Variants in GPC6 observed in about 807,000 individuals in gnomAD.
GPC6 encodes the protein glypican 6, also known as glypican-6.
Under a neutral mutation model 55.2 loss-of-function variants are expected in GPC6, and 14 were observed. That is an observed-to-expected ratio of 0.25 (90% CI 0.17 to 0.40). The LOEUF is 0.40. Ranked by LOEUF, GPC6 falls within the 10% of genes least tolerant of loss-of-function variation. The probability of loss-of-function intolerance (pLI) is 1.00; values close to 1 mark genes in which losing one functional copy is unlikely to be tolerated. For synonymous variants in GPC6, 278 were observed against 259.6 expected (o/e 1.07, Z -0.68); for missense variants, 641 against 708.5 (o/e 0.90, Z 1.08).
chr13:94,101,236 C>A (rs1014161951), intron 4 of GPC6, among the ~76,000 whole-genome samples: 1 of 152,194 alleles, frequency 6.6e-6, no homozygotes, highest in Non-Finnish European at 1.5e-5. Context: ...TGTGGGAGAA[C>A]CTAATAAGCT....
At chr13:94,355,818 A>G (rs1220424955) in intron 6 of GPC6, among the ~76,000 whole-genome samples, 1 of 152,140 alleles carries the variant, frequency 6.6e-6, no homozygotes, top group South Asian at 2.1e-4. Flanking sequence ...TGCGCAGGAC[A>G]TGCAGGTTTG....
chr13:94,094,463 C>T (rs1229566724), intron 4 of GPC6, among the ~76,000 whole-genome samples: 2 of 152,114 alleles, frequency 1.3e-5, no homozygotes, highest in East Asian at 3.9e-4. Flanking sequence ...AAAACCTACA[C>T]ATGGTTTGCT....
At chr13:93,599,937 T>C (rs1406296152) in intron 2 of GPC6, among the ~76,000 whole-genome samples, 1 of 152,178 alleles carries the variant, frequency 6.6e-6, no homozygotes, top group Non-Finnish European at 1.5e-5. Flanking sequence ...GCTCCTTCCA[T>C]GTTAACCTAC....
At chr13:93,599,674 T>C (rs1877927861) in intron 2 of GPC6, among the ~76,000 whole-genome samples, 1 of 152,190 alleles carries the variant, frequency 6.6e-6, no homozygotes, top group Non-Finnish European at 1.5e-5. Context: ...AGATAAAGAA[T>C]GTCTTCATAA....
At chr13:93,333,121 A>C (rs1382688273) in intron 1 of GPC6, among the ~76,000 whole-genome samples, 2 of 152,002 alleles carry the variant, frequency 1.3e-5, no homozygotes, top group African/African-American at 2.4e-5. Context: ...GTATATTTCG[A>C]ATTCAGGTAG....
chr13:94,287,101 C>G (rs541554504), intron 5 of GPC6, among the ~76,000 whole-genome samples: 4 of 152,262 alleles, frequency 2.6e-5, no homozygotes, highest in African/African-American at 9.6e-5. Flanking sequence ...TTTTATTTGT[C>G]TCCACCCAGT....
At chr13:93,894,196 T>A (rs1875860000) in intron 3 of GPC6, among the ~76,000 whole-genome samples, 1 of 152,216 alleles carries the variant, frequency 6.6e-6, no homozygotes, top group Admixed American at 6.5e-5. Flanking sequence ...AATTCCTGCC[T>A]GGTCTTAACT....
chr13:93,232,135 C>G (rs1430814368), intron 1 of GPC6, among the ~76,000 whole-genome samples: 1 of 150,686 alleles, frequency 6.6e-6, no homozygotes, highest in East Asian at 1.9e-4. Flanking sequence ...GGAGATATCA[C>G]ATTAACTTAA....
At chr13:93,623,533 A>T (rs1239318125) in intron 2 of GPC6, among the ~76,000 whole-genome samples, 1 of 137,254 alleles carries the variant, frequency 7.3e-6, no homozygotes, top group African/African-American at 2.7e-5. Context: ...TTCTCAGCTC[A>T]CTGCAAGCTC....
At chr13:93,667,073 G>A (rs922174130) in intron 2 of GPC6, among the ~76,000 whole-genome samples, 3 of 152,084 alleles carry the variant, frequency 2.0e-5, no homozygotes, top group African/African-American at 7.2e-5. Flanking sequence ...CAGCCGCTGT[G>A]TCTATTTTGC....
At chr13:93,718,926 T>C (rs143557890) in intron 2 of GPC6, among the ~76,000 whole-genome samples, 3 of 152,228 alleles carry the variant, frequency 2.0e-5, no homozygotes, top group African/African-American at 7.2e-5. Flanking sequence ...ACCTCTGTTC[T>C]ATTCCATTGT....
intron 6 of GPC6, among the ~76,000 whole-genome samples, chr13:94,306,534 C>A (rs1875956021): frequency 6.6e-6 from 1 of 152,100 alleles, no homozygotes; most frequent in African/African-American, 2.4e-5. Context: ...TTCTTATTTG[C>A]AAAGTTTTCT....
intron 1 of GPC6, among the ~76,000 whole-genome samples, chr13:93,259,807 A>G (rs1047611781): frequency 1.2e-4 from 19 of 152,152 alleles, no homozygotes; most frequent in Non-Finnish European, 2.6e-4. Context: ...TAATAATAAT[A>G]TAGTCAATTT....
At chr13:94,028,490 G>A (rs1371448679) in intron 4 of GPC6, among the ~76,000 whole-genome samples, 5 of 137,922 alleles carry the variant, frequency 3.6e-5, no homozygotes, top group African/African-American at 1.2e-4. Flanking sequence ...GAGAAAGGAC[G>A]CTTTAGAAAA....
rs150463727 is a variant in GPC6 at position 94,215,712 on chromosome 13, A to G, written c.878-70637A>G. ...CATTTCATTACATTGAAGGGAAAAAAATCTGTCCTCAAGAATTTTTGTCTC... is the reference window on the plus strand; with the variant it reads ...CATTTCATTACATTGAAGGGAAAAAGATCTGTCCTCAAGAATTTTTGTCTC... On this transcript the variant is annotated intron_variant, in intron 4 of 8. Transcript: ENST00000377047. 4.3e-3 allele frequency among the ~76,000 whole-genome samples: 650 copies of G among 152,268 alleles called. 7 individuals are homozygous for G. Among genetic ancestry groups the G allele is most frequent in the African/African-American group, 0.015 (617 of 41,558 alleles).
At chr13:93,426,897 CTGT>C (rs1166510310) in intron 1 of GPC6, among the ~76,000 whole-genome samples, 4 of 146,114 alleles carry the variant, frequency 2.7e-5, no homozygotes, top group African/African-American at 1.0e-4. Context: ...TCTCCAGCAC[CTGT>C]TGTTTCCTGA....
At chr13:93,271,615 T>C (rs1477248506) in intron 1 of GPC6, among the ~76,000 whole-genome samples, 2 of 152,180 alleles carry the variant, frequency 1.3e-5, no homozygotes, top group African/African-American at 4.8e-5. Flanking sequence ...ATGCTTAGAA[T>C]TCTTGAGGAC....
At chr13:93,529,579 C>T (rs1044972494) in intron 1 of GPC6, among the ~76,000 whole-genome samples, 2 of 146,486 alleles carry the variant, frequency 1.4e-5, no homozygotes, top group African/African-American at 2.6e-5. Context: ...GTAGTGGCAC[C>T]ATCTCGGCTC....
At chr13:94,053,259 A>G (rs968118621) in intron 4 of GPC6, among the ~76,000 whole-genome samples, 3 of 152,078 alleles carry the variant, frequency 2.0e-5, no homozygotes, top group Admixed American at 6.6e-5. Flanking sequence ...TGGCTACTGA[A>G]CTGGAATTAT....
Sources: allele counts gnomAD v4.1 joint callset (sites outside exome capture counted in the v4.1 genomes callset), GRCh38; gene constraint gnomAD v4.1.1; transcripts MANE v1.5; gene names NCBI Gene and HGNC (gene_info 2026-07-23, HGNC 2026-07-21).